The following CSMD1 variants were observed in gnomAD, a reference collection of about 807,000 sequenced individuals.
CSMD1 encodes CUB and Sushi multiple domains 1, also known as CUB and sushi domain-containing protein 1.
Under a neutral mutation model 417.5 loss-of-function variants are expected in CSMD1, and 213 were observed. That is an observed-to-expected ratio of 0.51 (90% confidence interval 0.46 to 0.57). The LOEUF is 0.57. Among genes scored for constraint, CSMD1 ranks in the 20% least tolerant of loss-of-function variants. CSMD1 has a pLI of 0.00. For missense variants in CSMD1, 6,923 were observed against 4,529.7 expected, an observed-to-expected ratio of 1.53 and a Z score of -15.17; for synonymous variants, 2,862 against 1,736.8, an observed-to-expected ratio of 1.65 and a Z score of -16.11.
chr8:4,043,397 AG>A (rs1197400250), intron 3 of CSMD1, among the ~76,000 whole-genome samples: 1 of 152,228 alleles, frequency 6.6e-6, no homozygotes, highest in Admixed American at 6.5e-5. Context: ...CAATAAACAT[AG>A]GAAGCGTAAA....
intron 11 of CSMD1, chr8:3,469,065 A>G (rs1407476132): frequency 5.4e-6 from 2 of 369,066 alleles, no homozygotes; most frequent in Non-Finnish European, 9.8e-6. Flanking sequence ...CTTTTAAAAA[A>G]TCAATTTAGG....
At chr8:4,464,714 G>T (rs561530827) in intron 2 of CSMD1, among the ~76,000 whole-genome samples, 2 of 151,896 alleles carry the variant, frequency 1.3e-5, no homozygotes, top group East Asian at 3.9e-4. Flanking sequence ...GTGTTTTAAT[G>T]TATCTACACT....
intron 3 of CSMD1, among the ~76,000 whole-genome samples, chr8:4,276,024 G>A (rs1277829713): frequency 1.3e-5 from 2 of 152,190 alleles, no homozygotes; most frequent in Admixed American, 1.3e-4. Context: ...ATGTTGGTGG[G>A]AGTGTAAATT....
At chr8:4,586,636 T>G (rs1799714251) in intron 2 of CSMD1, among the ~76,000 whole-genome samples, 1 of 152,210 alleles carries the variant, frequency 6.6e-6, no homozygotes, top group Non-Finnish European at 1.5e-5. Flanking sequence ...GTAATTTATA[T>G]CATAAAAACA....
At chr8:3,680,921 G>A (rs1239133834) in intron 7 of CSMD1, among the ~76,000 whole-genome samples, 3 of 152,236 alleles carry the variant, frequency 2.0e-5, no homozygotes, top group Admixed American at 1.3e-4. Flanking sequence ...CATATAAACA[G>A]AACCAATGAC....
At chr8:4,574,321 G>A (rs1406703238) in intron 2 of CSMD1, among the ~76,000 whole-genome samples, 1 of 152,158 alleles carries the variant, frequency 6.6e-6, no homozygotes, top group Non-Finnish European at 1.5e-5. Context: ...TATCTGGGCT[G>A]GATAGCACCA....
chr8:3,280,646 C>T (rs1455703172), intron 26 of CSMD1, among the ~76,000 whole-genome samples: 1 of 152,174 alleles, frequency 6.6e-6, no homozygotes, highest in African/African-American at 2.4e-5. Flanking sequence ...AAATTGTCAA[C>T]ATTCAATCAT....
At chr8:3,714,620 C>G (rs1162787144) in intron 6 of CSMD1, among the ~76,000 whole-genome samples, 1 of 143,496 alleles carries the variant, frequency 7.0e-6, no homozygotes, top group Non-Finnish European at 1.5e-5. Flanking sequence ...GACTGTAGTC[C>G]CAGCTAGTTG....
At chr8:4,168,502 A>G (rs1489010325) in intron 3 of CSMD1, among the ~76,000 whole-genome samples, 1 of 152,158 alleles carries the variant, frequency 6.6e-6, no homozygotes, top group Non-Finnish European at 1.5e-5. Flanking sequence ...GGGCTCTAAC[A>G]TGCAACACTA....
chr8:3,559,215 A>T (rs1387161144), intron 10 of CSMD1, among the ~76,000 whole-genome samples: 1 of 152,214 alleles, frequency 6.6e-6, no homozygotes, highest in Non-Finnish European at 1.5e-5. Context: ...TCAATATTTC[A>T]AATGTGCAAC....
intron 1 of CSMD1, among the ~76,000 whole-genome samples, chr8:4,730,844 G>C (rs967733077): frequency 1.4e-4 from 21 of 152,232 alleles, no homozygotes; most frequent in Admixed American, 9.2e-4. Context: ...TTTATCTAAA[G>C]AAATAAGAGC....
chr8:3,264,785 C>A (rs79648392), intron 26 of CSMD1, among the ~76,000 whole-genome samples: 12 of 151,928 alleles, frequency 7.9e-5, no homozygotes, highest in African/African-American at 2.9e-4. Flanking sequence ...GAGGCTAAAC[C>A]CAGGCCAGAA....
chr8:4,928,291 A>G (rs1055309671), intron 1 of CSMD1, among the ~76,000 whole-genome samples: 1 of 151,960 alleles, frequency 6.6e-6, no homozygotes, highest in South Asian at 2.1e-4. Context: ...GACCTCCCAT[A>G]TGTGCACAAT....
intron 3 of CSMD1, among the ~76,000 whole-genome samples, chr8:4,097,414 G>A (rs1319557512): frequency 2.6e-5 from 4 of 152,158 alleles, no homozygotes; most frequent in African/African-American, 4.8e-5. Flanking sequence ...ACACATGAAC[G>A]TTGTATACAT....
chr8:4,626,972 G>A (rs773464017), intron 2 of CSMD1, among the ~76,000 whole-genome samples: 1 of 152,118 alleles, frequency 6.6e-6, no homozygotes, highest in Non-Finnish European at 1.5e-5. Context: ...GTAAGTAGGT[G>A]AGTGTATTTA....
chr8:4,926,548 G>C (rs1171265710), intron 1 of CSMD1, among the ~76,000 whole-genome samples: 2 of 152,100 alleles, frequency 1.3e-5, no homozygotes, highest in African/African-American at 2.4e-5. Flanking sequence ...CCTTATTTAG[G>C]TACAGATGTG....
At chr8:3,639,207 G>C (rs1016558763) in intron 7 of CSMD1, among the ~76,000 whole-genome samples, 8 of 152,186 alleles carry the variant, frequency 5.3e-5, no homozygotes, top group Non-Finnish European at 8.8e-5. Context: ...AAAGACACAG[G>C]CCTTGAGGTC....
chr8:4,395,267 A>G (rs539501669), intron 3 of CSMD1, among the ~76,000 whole-genome samples: 62 of 152,338 alleles, frequency 4.1e-4, no homozygotes, highest in African/African-American at 1.4e-3. Context: ...CTCTTACTCC[A>G]GAACTACCAC....
intron 10 of CSMD1, among the ~76,000 whole-genome samples, chr8:3,510,763 G>A (rs1563107703): frequency 1.3e-5 from 2 of 151,782 alleles, no homozygotes; most frequent in South Asian, 4.1e-4. Context: ...TGACCAGTGA[G>A]GATGAGCTTT....
Sources: gnomAD v4.1 joint callset for allele counts (sites outside exome capture counted in the v4.1 genomes callset) on GRCh38, gnomAD v4.1.1 for gene constraint, MANE v1.5 for transcripts, NCBI Gene and HGNC (gene_info 2026-07-23, HGNC 2026-07-21) for gene names.